KDM5B: variants seen among roughly 807,000 people sequenced by gnomAD.
KDM5B encodes the protein lysine-specific demethylase 5B.
KDM5B carries 144 observed loss-of-function variants against 193.4 expected under a neutral mutation model. The observed-to-expected ratio is 0.74, with a 90% CI of 0.65 to 0.86. KDM5B has a LOEUF of 0.86. KDM5B is among the 40% of genes least tolerant of loss of function. KDM5B has a pLI of 0.00. For missense variants in KDM5B, 1,833 were observed against 1,886.9 expected (o/e 0.97, Z 0.53); for synonymous variants, 668 against 682.6 (o/e 0.98, Z 0.33).
At chr1:202,737,768 T>C (rs1380136479) in intron 20 of KDM5B, among the ~76,000 whole-genome samples, 1 of 151,574 alleles carries the variant, frequency 6.6e-6, no homozygotes, top group African/African-American at 2.4e-5. Context: ...AAAAGTGGGG[T>C]GGGGAGGAAA....
intron 11 of KDM5B, 82 bp downstream of exon 11, chr1:202,755,189 G>C (rs973388010): frequency 4.3e-5 from 46 of 1,058,350 alleles, no homozygotes; most frequent in Non-Finnish European, 6.3e-5. Flanking sequence ...TTCAGACACA[G>C]TTAAGACACA....
chr1:202,766,652 G>C, intron 5 of KDM5B: 3 of 488,976 alleles, frequency 6.1e-6, no homozygotes, highest in Non-Finnish European at 1.1e-5. Context: ...ATCCAAGTAG[G>C]AACACAGGAA....
chr1:202,806,424 C>A (rs1218712882), intron 1 of KDM5B: 2 of 152,220 alleles, frequency 1.3e-5, no homozygotes, highest in African/African-American at 4.8e-5. Context: ...AGAATTAAAA[C>A]CTTGGCTCTA....
At chr1:202,753,791 T>A (rs755574912) in intron 11 of KDM5B, among the ~76,000 whole-genome samples, 7 of 149,324 alleles carry the variant, frequency 4.7e-5, no homozygotes, top group Non-Finnish European at 1.5e-5. Context: ...TGCCTCAGCC[T>A]CCCGAGTAGC....
At chr1:202,777,669 G>GT (rs201217294) in intron 1 of KDM5B, among the ~76,000 whole-genome samples, 2,432 of 151,532 alleles carry the variant, frequency 0.016, 64 homozygotes, top group African/African-American at 0.056. Context: ...ATTGTTTAAG[G>GT]TTTTTTTTAG....
chr1:202,734,707 C>G (rs575228318), intron 22 of KDM5B, among the ~76,000 whole-genome samples: 1 of 152,136 alleles, frequency 6.6e-6, no homozygotes, highest in East Asian at 1.9e-4. Flanking sequence ...ACTGAATATA[C>G]GAATATACAC....
chr1:202,730,143 A>G, intron 25 of KDM5B, 116 bp from the exon 26 acceptor site: 2 of 911,254 alleles, frequency 2.2e-6, no homozygotes, highest in Non-Finnish European at 3.2e-6. Context: ...TCTACACGGG[A>G]AAAAAATACT....
At chr1:202,745,377 G>GAT (rs1011280596) in intron 16 of KDM5B, among the ~76,000 whole-genome samples, 8 of 152,138 alleles carry the variant, frequency 5.3e-5, no homozygotes, top group South Asian at 2.1e-4. Flanking sequence ...GAGAGAGAGA[G>GAT]ATATAAAGGG....
At chr1:202,776,127 G>C (rs1656944975) in intron 2 of KDM5B, 1 of 152,096 alleles carries the variant, frequency 6.6e-6, no homozygotes, top group Non-Finnish European at 1.5e-5. Flanking sequence ...CTACTTGGGA[G>C]GCTGAGGCAG....
chr1:202,764,156 T>C lies in KDM5B; in HGVS notation c.712-11A>G. On this transcript the variant is annotated splice_polypyrimidine_tract_variant and intron_variant, in intron 5 of 26. Coordinates refer to ENST00000367265, the MANE Select transcript of KDM5B (RefSeq NM_006618.5). The stretch of plus-strand genomic sequence containing the variant: ...TTTAATATTCATGGCCTTAAAAAAA[T>C]TGTCATATACATGAATATTTCCTTT... The C allele has an allele frequency of 1.5e-6, 2 of 1,330,650 alleles. No individual in the cohort carries two copies. Among genetic ancestry groups the C allele is most frequent in the Non-Finnish European group, 2.1e-6 (2 of 956,090 alleles). 82.4% of individuals were successfully genotyped at this position (1,330,650 alleles called of 1,614,324 possible).
intron 1 of KDM5B, among the ~76,000 whole-genome samples, chr1:202,788,637 T>C (rs1657512687): frequency 6.6e-6 from 1 of 152,176 alleles, no homozygotes; most frequent in Admixed American, 6.6e-5. Flanking sequence ...TTTCATGTCA[T>C]TCACAGACAT....
At chr1:202,733,378 C>T (rs753090482) in intron 23 of KDM5B, 23 bp downstream of exon 23, 22 of 1,602,710 alleles carry the variant, frequency 1.4e-5, no homozygotes, top group Non-Finnish European at 1.8e-5. Context: ...TCCAATAACC[C>T]AACAAGGAAA....
chr1:202,793,582 T>G (rs1458451399), intron 1 of KDM5B, among the ~76,000 whole-genome samples: 2 of 152,178 alleles, frequency 1.3e-5, no homozygotes, highest in Non-Finnish European at 2.9e-5. Flanking sequence ...GGTTAGGAGC[T>G]CAAGGATAAC....
intron 1 of KDM5B, among the ~76,000 whole-genome samples, chr1:202,787,945 C>G (rs931238632): frequency 1.3e-5 from 2 of 151,906 alleles, no homozygotes; most frequent in Non-Finnish European, 2.9e-5. Context: ...AGATATTTAG[C>G]TGAAAGGGGG....
chr1:202,734,892 G>C (rs1655038289), intron 22 of KDM5B, among the ~76,000 whole-genome samples: 1 of 152,164 alleles, frequency 6.6e-6, no homozygotes, highest in South Asian at 2.1e-4. Flanking sequence ...GCAATGCTTT[G>C]TGCCATTAAA....
intron 1 of KDM5B, among the ~76,000 whole-genome samples, chr1:202,783,925 T>C (rs544854825): frequency 6.6e-6 from 1 of 152,216 alleles, no homozygotes; most frequent in African/African-American, 2.4e-5. Context: ...CTCAAAAATG[T>C]ATTCCTTAGG....
At chr1:202,730,275 T>C (rs1654833750) in intron 25 of KDM5B, among the ~76,000 whole-genome samples, 1 of 152,186 alleles carries the variant, frequency 6.6e-6, no homozygotes, top group East Asian at 1.9e-4. Context: ...GTTAAAGACG[T>C]GATTACCCTT....
At chr1:202,759,285 A>T (rs1172554742) in intron 8 of KDM5B, among the ~76,000 whole-genome samples, 1 of 152,136 alleles carries the variant, frequency 6.6e-6, no homozygotes, top group Non-Finnish European at 1.5e-5. Flanking sequence ...CACACCTGTA[A>T]TCCGGCACTT....
intron 25 of KDM5B, 32 bp downstream of exon 25, chr1:202,730,877 T>C: frequency 1.3e-6 from 2 of 1,558,484 alleles, no homozygotes; most frequent in Non-Finnish European, 1.7e-6. Flanking sequence ...CCCCAGACTG[T>C]GCCTTGCCCC....
Sources: gnomAD v4.1 joint callset for allele counts (sites outside exome capture counted in the v4.1 genomes callset) on GRCh38, gnomAD v4.1.1 for gene constraint, MANE v1.5 for transcripts, NCBI Gene and HGNC (gene_info 2026-07-23, HGNC 2026-07-21) for gene names.